PRKG2: variants seen among roughly 807,000 people sequenced by gnomAD.
The protein encoded by PRKG2 is cGMP-dependent protein kinase 2.
A neutral mutation model predicts 97.2 loss-of-function variants in PRKG2; 33 were observed. The observed-to-expected ratio is 0.34, with a 90% confidence interval of 0.26 to 0.45. The LOEUF (loss-of-function observed/expected upper bound fraction) is 0.45, where lower values mean the gene tolerates loss of function less well. Ranked by LOEUF, PRKG2 falls within the 20% of genes least tolerant of loss-of-function variation. PRKG2 has a pLI of 1.00. For synonymous variants in PRKG2, 330 were observed against 321.8 expected (o/e 1.03, Z -0.27); for missense variants, 638 against 900.0 (o/e 0.71, Z 3.73).
chr4:81,200,776 A>T (rs1273362228), intron 2 of PRKG2, among the ~76,000 whole-genome samples: 1 of 152,176 alleles, frequency 6.6e-6, no homozygotes, highest in African/African-American at 2.4e-5. Flanking sequence ...TATTAAATTT[A>T]AGTCAGAGAT....
intron 6 of PRKG2, among the ~76,000 whole-genome samples, chr4:81,155,191 A>AT (rs1748922602): frequency 6.7e-6 from 1 of 149,936 alleles, no homozygotes; most frequent in South Asian, 2.1e-4. Context: ...AAAAAAAAAA[A>AT]GAAGAATGTA....
intron 17 of PRKG2, among the ~76,000 whole-genome samples, chr4:81,101,421 G>A (rs760565133): frequency 2.0e-5 from 3 of 152,014 alleles, no homozygotes; most frequent in Admixed American, 1.3e-4. Flanking sequence ...TTGTAGGGAC[G>A]TGGATGAAGC....
At chr4:81,123,068 C>T (rs2110005765) in intron 14 of PRKG2, among the ~76,000 whole-genome samples, 1 of 152,218 alleles carries the variant, frequency 6.6e-6, no homozygotes, top group East Asian at 1.9e-4. Context: ...TTCTACAAGC[C>T]CATTAGATGA....
At chr4:81,148,853 G>C (rs756154755) in intron 9 of PRKG2, 31 bp downstream of exon 9, 8 of 1,584,416 alleles carry the variant, frequency 5.0e-6, no homozygotes, top group Non-Finnish European at 6.9e-6. Flanking sequence ...AGGTGGCAGT[G>C]GCCTGCCTCC....
At chr4:81,127,733 G>A (rs999554257) in intron 14 of PRKG2, among the ~76,000 whole-genome samples, 2 of 152,206 alleles carry the variant, frequency 1.3e-5, no homozygotes, top group Non-Finnish European at 2.9e-5. Context: ...ATTTTGGGCT[G>A]AGATGATGGG....
At chr4:81,114,504 G>T (rs151268340) in intron 14 of PRKG2, among the ~76,000 whole-genome samples, 1 of 152,160 alleles carries the variant, frequency 6.6e-6, no homozygotes, top group African/African-American at 2.4e-5. Flanking sequence ...AACAGCATGT[G>T]TTAAGCACAT....
At chr4:81,205,447 C>T (rs1417702103) in intron 1 of PRKG2, among the ~76,000 whole-genome samples, 2 of 152,204 alleles carry the variant, frequency 1.3e-5, no homozygotes, top group Non-Finnish European at 2.9e-5. Flanking sequence ...TGAGCAGCTA[C>T]AACAACAGAG....
At chr4:81,163,827 A>T (rs1342238839) in intron 6 of PRKG2, among the ~76,000 whole-genome samples, 1 of 151,574 alleles carries the variant, frequency 6.6e-6, no homozygotes, top group Non-Finnish European at 1.5e-5. Flanking sequence ...AAAAAGAAGT[A>T]TTGGAAGTAC....
At chr4:81,175,141 A>G (rs969872659) in intron 2 of PRKG2, among the ~76,000 whole-genome samples, 182 bp from the exon 3 acceptor site, 3 of 152,074 alleles carry the variant, frequency 2.0e-5, no homozygotes, top group African/African-American at 7.2e-5. Context: ...TACATGAAAA[A>G]CCTAAGAAAA....
rs369188070 is a variant in PRKG2 at position 81,204,269 on chromosome 4, C to T, written c.461+318G>A. Among the ~76,000 whole-genome samples, 137 of 150,600 alleles carry T rather than the reference C, an allele frequency of 9.1e-4. 1 individual carries two copies. Among genetic ancestry groups the T allele is most frequent in the African/African-American group, 2.9e-3 (118 of 40,998 alleles). ...GTCACAATTCACTGTGATGTGTGTA[C>T]ATTTTTAAGTTCACTCCTCTAGAAA... On this transcript the variant is annotated intron_variant, in intron 2 of 18. Coordinates refer to ENST00000264399, the MANE Select transcript of PRKG2 (RefSeq NM_006259.3).
At chr4:81,130,111 G>T (rs1746020220) in intron 14 of PRKG2, among the ~76,000 whole-genome samples, 2 of 152,100 alleles carry the variant, frequency 1.3e-5, no homozygotes, top group Non-Finnish European at 2.9e-5. Flanking sequence ...TTTTTGTGCT[G>T]TTTTTTCCTC....
rs928945344 is a variant in PRKG2 at position 81,161,933 on chromosome 4, A to AG, written c.912+5227dup. ...AGGGATTAGAATCTGGATATCTGGA[A>AG]GGGGGGGTGGGGCAGGGGACCATTC... On this transcript the variant is annotated intron_variant, in intron 6 of 18. Coordinates refer to ENST00000264399, the MANE Select transcript of PRKG2 (RefSeq NM_006259.3). Among the ~76,000 whole-genome samples, 8 of 140,604 alleles carry AG rather than the reference A, an allele frequency of 5.7e-5. No individual in the cohort carries two copies. In the East Asian group the frequency reaches 1.0e-3, roughly 18 times the overall value. The allele number at this position is 140,604 out of a possible 152,430, so 92.2% of individuals were successfully genotyped here. A position where few individuals can be genotyped will look rare whatever the true frequency, so the allele number is the denominator to read the frequency against.
In PRKG2 at chr4:81,126,131, G is replaced by A. The variant is rs535467020; in HGVS notation, c.1776+9024C>T. The stretch of plus-strand genomic sequence containing the variant: ...CTTAGAGGGAGAACATGCAGTGTTT[G>A]GTTTTCTGTTCCTGTGTTAATTTGC... On this transcript the variant is annotated intron_variant, in intron 14 of 18. Transcript: ENST00000264399. 9.9e-5 allele frequency among the ~76,000 whole-genome samples: 15 copies of A among 152,276 alleles called. 1 individual carries two copies. Among genetic ancestry groups the A allele is most frequent in the African/African-American group, 3.6e-4 (15 of 41,556 alleles).
chr4:81,096,967 T>A lies in PRKG2; in HGVS notation c.2127-4515A>T, dbSNP rs369079910. Reference sequence around the variant, plus strand: ...TTATAATGGCATTTAGAATGGTGAATTCTTTACAGAAGGTTTTCAACTCAC... The same window carrying A: ...TTATAATGGCATTTAGAATGGTGAAATCTTTACAGAAGGTTTTCAACTCAC... On this transcript the variant is annotated intron_variant, in intron 17 of 18. Transcript: ENST00000264399. Among the ~76,000 whole-genome samples the A allele has an allele frequency of 3.9e-5, 6 of 152,334 alleles. No homozygotes were observed. In the South Asian group the frequency reaches 1.0e-3, roughly 26 times the overall value.
Position 81,111,441 on chromosome 4 carries a change from T to A in PRKG2, c.1777-830A>T, listed in dbSNP as rs528728670. Among the ~76,000 whole-genome samples, 775 of 151,678 alleles carry A rather than the reference T, an allele frequency of 5.1e-3. 9 individuals carry two copies. Among genetic ancestry groups the A allele is most frequent in the African/African-American group, 0.018 (728 of 41,206 alleles). ...ATACATGATTAATATTATATCATGT[T>A]ATACATGATTAATATTATATCATGT... On this transcript the variant is annotated intron_variant, in intron 14 of 18. Coordinates refer to ENST00000264399, the MANE Select transcript of PRKG2 (RefSeq NM_006259.3).
At chr4:81,205,753 G>C (rs1025913196) in intron 1 of PRKG2, among the ~76,000 whole-genome samples, 9 of 152,250 alleles carry the variant, frequency 5.9e-5, no homozygotes, top group African/African-American at 1.9e-4. Flanking sequence ...ATGCTGCAAG[G>C]CTCTATTCTT....
chr4:81,102,722 T>C (rs1273428262), intron 17 of PRKG2, among the ~76,000 whole-genome samples: 1 of 152,184 alleles, frequency 6.6e-6, no homozygotes, highest in Non-Finnish European at 1.5e-5. Flanking sequence ...CAGTATTGAA[T>C]ACATGGCTTT....
chr4:81,182,730 T>G (rs1751522989), intron 2 of PRKG2, among the ~76,000 whole-genome samples: 1 of 152,072 alleles, frequency 6.6e-6, no homozygotes, highest in Non-Finnish European at 1.5e-5. Flanking sequence ...ATATACAAAT[T>G]TAATTGTATT....
At chr4:81,204,385 G>GAT (rs1008851623) in intron 2 of PRKG2, among the ~76,000 whole-genome samples, 1 of 152,108 alleles carries the variant, frequency 6.6e-6, no homozygotes, top group Non-Finnish European at 1.5e-5. Context: ...CCTCATGAGA[G>GAT]ATATATATAG....
Sources: gnomAD v4.1 joint callset for allele counts (sites outside exome capture counted in the v4.1 genomes callset) on GRCh38, gnomAD v4.1.1 for gene constraint, MANE v1.5 for transcripts, NCBI Gene and HGNC (gene_info 2026-07-23, HGNC 2026-07-21) for gene names.